PARN: variants seen among roughly 807,000 people sequenced by gnomAD.
The protein encoded by PARN is poly(A)-specific ribonuclease PARN.
A neutral mutation model predicts 102.8 loss-of-function variants in PARN; 71 were observed. The ratio of observed to expected loss-of-function variants is 0.69; its 90% CI spans 0.57 to 0.84. The LOEUF (loss-of-function observed/expected upper bound fraction) is 0.84, where lower values mean the gene tolerates loss of function less well. PARN is among the 40% of genes least tolerant of loss of function. The pLI is 0.00. For missense variants in PARN, 782 were observed against 760.9 expected (o/e 1.03, Z -0.33); for synonymous variants, 261 against 252.9 (o/e 1.03, Z -0.30).
At chr16:14,517,596 A>G (rs902191708) in intron 21 of PARN, among the ~76,000 whole-genome samples, 3 of 152,404 alleles carry the variant, frequency 2.0e-5, no homozygotes, top group East Asian at 1.9e-4. Flanking sequence ...CGACTGCCTT[A>G]TAAGTGAAGA....
intron 22 of PARN, among the ~76,000 whole-genome samples, chr16:14,479,143 G>C (rs918132109): frequency 6.6e-6 from 1 of 152,172 alleles, no homozygotes; most frequent in African/African-American, 2.4e-5. Flanking sequence ...TCCAGGCCAG[G>C]CCTGGTGGCT....
intron 21 of PARN, among the ~76,000 whole-genome samples, chr16:14,488,111 G>A (rs1006406303): frequency 7.9e-5 from 12 of 152,048 alleles, no homozygotes; most frequent in Non-Finnish European, 1.5e-4. Flanking sequence ...AGAAAAACAC[G>A]TATATATCTG....
In PARN at chr16:14,501,294, CAATAATAATAAT is replaced by C. The variant is rs113060340; in HGVS notation, c.1481-18479_1481-18468del. ...AAAAAACAAAAAACAAACAAAAAAA[CAATAATAATAAT>C]AATAATAATAATAATAATTAGTCTG... On this transcript the variant is annotated intron_variant, in intron 21 of 23. Transcript: ENST00000437198. Among the ~76,000 whole-genome samples, 23 of 142,174 alleles carry C rather than the reference CAATAATAATAAT, an allele frequency of 1.6e-4. No individual in the cohort carries two copies. The East Asian group carries it at 2.8e-3, about 18-fold the overall frequency. The allele number at this position is 142,174 out of a possible 152,430, so 93.3% of individuals were successfully genotyped here.
chr16:14,587,117 T>C (rs564849914), intron 13 of PARN, among the ~76,000 whole-genome samples: 2 of 152,236 alleles, frequency 1.3e-5, no homozygotes, highest in Non-Finnish European at 2.9e-5. Flanking sequence ...TCATGCTTCA[T>C]AGGAAACTGC....
chr16:14,490,101 T>A (rs1056387041), intron 21 of PARN, among the ~76,000 whole-genome samples: 1 of 152,226 alleles, frequency 6.6e-6, no homozygotes, highest in Non-Finnish European at 1.5e-5. Flanking sequence ...GAGGTTGCAG[T>A]GAACTGAGAT....
intron 11 of PARN, among the ~76,000 whole-genome samples, chr16:14,602,395 C>A (rs1970927352): frequency 6.6e-6 from 1 of 152,160 alleles, no homozygotes. Flanking sequence ...GTCTCTCTGC[C>A]AATGACAATC....
At chr16:14,576,817 T>C (rs1019922384) in intron 18 of PARN, among the ~76,000 whole-genome samples, 2 of 152,164 alleles carry the variant, frequency 1.3e-5, no homozygotes, top group African/African-American at 2.4e-5. Flanking sequence ...GCCCAGGCCA[T>C]GAAAAAGACA....
At chr16:14,534,423 T>C (rs951506268) in intron 21 of PARN, among the ~76,000 whole-genome samples, 7 of 152,142 alleles carry the variant, frequency 4.6e-5, no homozygotes, top group Non-Finnish European at 8.8e-5. Context: ...CATCTTAAAA[T>C]ATAATCACAG....
At chr16:14,550,181 G>A (rs1967205670) in intron 21 of PARN, among the ~76,000 whole-genome samples, 1 of 151,194 alleles carries the variant, frequency 6.6e-6, no homozygotes, top group South Asian at 2.1e-4. Context: ...GTTATCTTGA[G>A]CTTTCTAATA....
At chr16:14,626,309 T>C (rs1972659809) in intron 5 of PARN, among the ~76,000 whole-genome samples, 1 of 152,206 alleles carries the variant, frequency 6.6e-6, no homozygotes, top group Non-Finnish European at 1.5e-5. Context: ...CTTTTGTTTA[T>C]TTTAATTTTT....
intron 18 of PARN, among the ~76,000 whole-genome samples, chr16:14,573,080 G>A (rs1331801834): frequency 1.3e-5 from 2 of 151,634 alleles, no homozygotes; most frequent in Non-Finnish European, 2.9e-5. Context: ...ATGGAGTCTC[G>A]CTATGTTCCC....
intron 21 of PARN, among the ~76,000 whole-genome samples, chr16:14,544,964 AT>A (rs943540881): frequency 6.6e-6 from 1 of 152,148 alleles, no homozygotes; most frequent in African/African-American, 2.4e-5. Flanking sequence ...AGGTGGGAGG[AT>A]TGCTTGAGCT....
At position 14,628,201 on chromosome 16, in the gene PARN, G is replaced by T. The variant is rs1972796575; in HGVS notation, c.148C>A (p.Pro50Thr). Reference protein sequence around the residue: ...VSALTNGFDTPEERYQKLKKH... With the variant: ...VSALTNGFDTTEERYQKLKKH... ...TTAAGCTTCTGATACCTCTCTTCTGGAGTGTCAAAACCATTTGTTAATGCA... is the reference window on the plus strand; with the variant it reads ...TTAAGCTTCTGATACCTCTCTTCTGTAGTGTCAAAACCATTTGTTAATGCA... The change falls in exon 3 of 24, where the codon CCA (proline) becomes ACA (threonine). Residue 50 changes from proline to threonine, a missense_variant. By Grantham distance (38) the Pro-to-Thr change is conservative. Transcript: ENST00000437198. 1 of 1,604,500 alleles carries T rather than the reference G, an allele frequency of 6.2e-7. No individual in the cohort carries two copies. The highest frequency in any genetic ancestry group is 1.7e-5 in the Admixed American group (1 of 59,746).
chr16:14,585,050 A>G (rs1428671001), intron 14 of PARN, among the ~76,000 whole-genome samples: 1 of 152,168 alleles, frequency 6.6e-6, no homozygotes, highest in Non-Finnish European at 1.5e-5. Flanking sequence ...ACTGCAGGAG[A>G]GTCCACACTT....
chr16:14,542,085 AC>A (rs1278629492), intron 21 of PARN, among the ~76,000 whole-genome samples: 2 of 151,362 alleles, frequency 1.3e-5, no homozygotes, highest in African/African-American at 4.9e-5. Flanking sequence ...GTTCAATGCA[AC>A]CTTGACCTCC....
chr16:14,622,094 G>A (rs1042204016), intron 5 of PARN, among the ~76,000 whole-genome samples: 1 of 152,042 alleles, frequency 6.6e-6, no homozygotes, highest in Non-Finnish European at 1.5e-5. Flanking sequence ...TTGGGAGGCT[G>A]AGGCAGAAGA....
At chr16:14,542,305 C>CTT (rs776010918) in intron 21 of PARN, among the ~76,000 whole-genome samples, 3 of 145,060 alleles carry the variant, frequency 2.1e-5, no homozygotes, top group Non-Finnish European at 4.6e-5. Flanking sequence ...CACACCTGGG[C>CTT]TTTTTTTTTT....
chr16:14,598,306 A>G (rs1970651128), intron 12 of PARN, among the ~76,000 whole-genome samples: 2 of 152,170 alleles, frequency 1.3e-5, no homozygotes, highest in South Asian at 2.1e-4. Flanking sequence ...GGTCAGCAAC[A>G]TGTTATGAAT....
At chr16:14,456,164 A>G (rs1308570134) in intron 22 of PARN, among the ~76,000 whole-genome samples, 1 of 151,428 alleles carries the variant, frequency 6.6e-6, no homozygotes, top group Admixed American at 6.6e-5. Context: ...TTTTACAGTA[A>G]GTTTTCTTTT....
Sources: allele counts gnomAD v4.1 joint callset (sites outside exome capture counted in the v4.1 genomes callset), GRCh38; gene constraint gnomAD v4.1.1; transcripts MANE v1.5; gene names NCBI Gene and HGNC (gene_info 2026-07-23, HGNC 2026-07-21).